DNTT: variants seen among roughly 807,000 people sequenced by gnomAD.
DNTT encodes the protein DNA nucleotidylexotransferase, also known as nucleosidetriphosphate:DNA deoxynucleotidylexotransferase.
Under a neutral mutation model 60.9 loss-of-function variants are expected in DNTT, and 47 were observed. That is an observed-to-expected ratio of 0.77 (90% CI 0.61 to 0.98). The LOEUF is 0.98. Ranked by LOEUF, DNTT falls within the 50% of genes least tolerant of loss-of-function variation. DNTT has a pLI of 0.00. For synonymous variants in DNTT, 224 were observed against 221.2 expected, an observed-to-expected ratio of 1.01 and a Z score of -0.11; for missense variants, 665 against 627.5, an observed-to-expected ratio of 1.06 and a Z score of -0.64.
rs142078021 is a variant in DNTT at position 96,332,427 on chromosome 10, T to C, written c.1190T>C (p.Leu397Ser). Residue 397 changes from leucine (L) to serine (S), a missense_variant, in exon 9 of 11, where the codon TTG becomes TCG. Transcript: ENST00000371174. ...TTGCCTAGCAGGAAGGTTGATGCTT[T>C]GGATCATTTTCAAAAGTGCTTTCTG... ...LRLPSRKVDA[L>S]DHFQKCFLIF... 6.2e-6 allele frequency: 10 copies of C among 1,614,196 alleles called. No individual in the cohort carries two copies. The African/African-American group carries it at 1.3e-4, about 22-fold the overall frequency.
chr10:96,322,414 A>G (rs1394415419), intron 4 of DNTT, among the ~76,000 whole-genome samples: 1 of 152,170 alleles, frequency 6.6e-6, no homozygotes, highest in Non-Finnish European at 1.5e-5. Context: ...GTAGATCTGG[A>G]TCCTAACCAT....
intron 1 of DNTT, 106 bp from the exon 2 acceptor site, chr10:96,318,246 A>G (rs1844813088): frequency 9.7e-6 from 13 of 1,345,392 alleles, no homozygotes; most frequent in African/African-American, 1.5e-5. Context: ...TAGGTCTAGC[A>G]TGTGTCTTTC....
At chr10:96,320,892 G>A (rs1210349738) in intron 4 of DNTT, 104 bp downstream of exon 4, 2 of 1,390,410 alleles carry the variant, frequency 1.4e-6, no homozygotes, top group Non-Finnish European at 2.0e-6. Flanking sequence ...TAGATGTGGT[G>A]TACATCACAA....
intron 8 of DNTT, among the ~76,000 whole-genome samples, chr10:96,331,977 T>C (rs1845011390): frequency 6.6e-6 from 1 of 152,126 alleles, no homozygotes; most frequent in Non-Finnish European, 1.5e-5. Context: ...GAGGTCTTAT[T>C]ATGTCACCCA....
At chr10:96,334,822 T>C (rs1275002738) in intron 9 of DNTT, among the ~76,000 whole-genome samples, 1 of 152,240 alleles carries the variant, frequency 6.6e-6, no homozygotes, top group Non-Finnish European at 1.5e-5. Flanking sequence ...GGTTATGCAA[T>C]GTCATGCCAG....
At chr10:96,328,368 C>T (rs561639139) in intron 7 of DNTT, among the ~76,000 whole-genome samples, 93 of 152,216 alleles carry the variant, frequency 6.1e-4, no homozygotes, top group African/African-American at 2.1e-3. Context: ...ATTCCAAGAG[C>T]GCTACCTTGT....
Position 96,318,407 on chromosome 10 carries a change from T to A in DNTT, c.259T>A (p.Trp87Arg), listed in dbSNP as rs1054224152. 2 of 1,613,582 alleles carry A rather than the reference T, an allele frequency of 1.2e-6. No individual in the cohort carries two copies. The highest frequency in any genetic ancestry group is 1.7e-6 in the Non-Finnish European group (2 of 1,179,716). ...CAACTCGGGTTCGGATGTTCTGGAGTGGCTTCAAGCACAGAAAGTACAAGT... is the reference window on the plus strand; with the variant it reads ...CAACTCGGGTTCGGATGTTCTGGAGAGGCTTCAAGCACAGAAAGTACAAGT... Reference protein sequence around the residue: ...ENNSGSDVLEWLQAQKVQVSS... With the variant: ...ENNSGSDVLERLQAQKVQVSS... The change falls in exon 2 of 11, where the codon TGG becomes AGG. Residue 87 changes from tryptophan to arginine, a missense_variant. Coordinates refer to ENST00000371174, the MANE Select transcript of DNTT (RefSeq NM_004088.4).
intron 4 of DNTT, among the ~76,000 whole-genome samples, chr10:96,321,591 G>GT (rs1185036282): frequency 6.6e-6 from 1 of 152,124 alleles, no homozygotes; most frequent in East Asian, 1.9e-4. Flanking sequence ...AATTTCAAGT[G>GT]TTTTTATCTA....
intron 1 of DNTT, 58 bp downstream of exon 1, chr10:96,304,758 G>A: frequency 4.5e-6 from 7 of 1,556,008 alleles, no homozygotes; most frequent in Non-Finnish European, 6.1e-6. Context: ...ACAGCTTCTT[G>A]GGAACCCAAG....
intron 6 of DNTT, among the ~76,000 whole-genome samples, chr10:96,326,410 T>A (rs1844939438): frequency 6.6e-6 from 1 of 152,206 alleles, no homozygotes; most frequent in Admixed American, 6.5e-5. Context: ...AGTTTATAGG[T>A]GTATTCATAT....
intron 1 of DNTT, chr10:96,306,613 G>A (rs1844641598): frequency 6.6e-6 from 1 of 152,292 alleles, no homozygotes; most frequent in Non-Finnish European, 1.5e-5. Flanking sequence ...GGCACTCAGG[G>A]AGATGATGGG....
chr10:96,304,812 C>A, intron 1 of DNTT, 112 bp downstream of exon 1: 1 of 1,165,606 alleles, frequency 8.6e-7, no homozygotes, highest in Non-Finnish European at 1.2e-6. Context: ...GATCTTCCCA[C>A]TGGGAGAACA....
Position 96,318,346 on chromosome 10 carries a change from T to G in DNTT, c.204-6T>G, listed in dbSNP as rs199746243. ...TCAGCTGGTAACTCTGTCTTGCATT[T>G]TGCAGTGATTCTGTCACCCACATCG... is the stretch of plus-strand genomic sequence containing the variant. On this transcript the variant is annotated splice_region_variant and splice_polypyrimidine_tract_variant and intron_variant, in intron 1 of 10. Transcript: ENST00000371174. 473 of 1,606,570 alleles carry G rather than the reference T, an allele frequency of 2.9e-4. 1 individual carries two copies. The highest frequency in any genetic ancestry group is 3.6e-4 in the Non-Finnish European group (427 of 1,175,224).
At chr10:96,321,601 A>G (rs1180956388) in intron 4 of DNTT, among the ~76,000 whole-genome samples, 5 of 152,086 alleles carry the variant, frequency 3.3e-5, no homozygotes, top group African/African-American at 9.7e-5. Context: ...GTTTTTATCT[A>G]TTGGGAAATT....
At chr10:96,317,418 C>G (rs192490499) in intron 1 of DNTT, among the ~76,000 whole-genome samples, 1 of 152,212 alleles carries the variant, frequency 6.6e-6, no homozygotes, top group Admixed American at 6.5e-5. Flanking sequence ...GTCCATGCTT[C>G]GAAAACATGT....
At chr10:96,329,420 C>T (rs1198271730) in intron 8 of DNTT, among the ~76,000 whole-genome samples, 1 of 152,198 alleles carries the variant, frequency 6.6e-6, no homozygotes, top group Non-Finnish European at 1.5e-5. Context: ...CAGCCAGAGC[C>T]ACATGCAAGC....
At chr10:96,337,171 T>C (rs11188720) in intron 10 of DNTT, among the ~76,000 whole-genome samples, 167 of 152,300 alleles carry the variant, frequency 1.1e-3, no homozygotes, top group Admixed American at 2.4e-3. Flanking sequence ...TCAGGCAGGT[T>C]TCCCCATAAG....
At chr10:96,333,735 G>A (rs1845033939) in intron 9 of DNTT, among the ~76,000 whole-genome samples, 1 of 152,202 alleles carries the variant, frequency 6.6e-6, no homozygotes, top group Non-Finnish European at 1.5e-5. Context: ...AATACTGTAT[G>A]ATCTCGTTTC....
Position 96,324,272 on chromosome 10 carries a change from A to C in DNTT, c.757A>C (p.Thr253Pro). 2 of 1,613,016 alleles carry C rather than the reference A, an allele frequency of 1.2e-6. No individual in the cohort carries two copies. Among genetic ancestry groups the C allele is most frequent in the Non-Finnish European group, 1.7e-6 (2 of 1,179,370 alleles). ...GCCTTTCCCTCCATTTTAGCTCTTT[A>C]CTTCTGTATTTGGAGTGGGGCTGAA... ...DERYQSFKLFTSVFGVGLKTS... is the reference protein window; with the variant it reads ...DERYQSFKLFPSVFGVGLKTS... Residue 253 changes from threonine (T) to proline (P), a missense_variant, in exon 6 of 11, where the codon ACT becomes CCT. By Grantham distance (38) the Thr-to-Pro change is conservative. Coordinates refer to ENST00000371174, the MANE Select transcript of DNTT (RefSeq NM_004088.4).
Sources: allele counts gnomAD v4.1 joint callset (sites outside exome capture counted in the v4.1 genomes callset), GRCh38; gene constraint gnomAD v4.1.1; transcripts MANE v1.5; gene names NCBI Gene and HGNC (gene_info 2026-07-23, HGNC 2026-07-21).